The following NRCAM variants were observed in gnomAD, a reference collection of about 807,000 sequenced individuals.
NRCAM encodes NgCAM-related cell adhesion molecule.
NRCAM carries 83 observed loss-of-function variants against 156.5 expected under a neutral mutation model. The ratio of observed to expected loss-of-function variants is 0.53; its 90% CI spans 0.44 to 0.64. The LOEUF is 0.64. NRCAM is among the 30% of genes least tolerant of loss of function. The pLI is 0.00. For synonymous variants in NRCAM, 538 were observed against 563.9 expected (o/e 0.95, Z 0.65); for missense variants, 1,417 against 1,597.3 (o/e 0.89, Z 1.92).
At chr7:108,422,075 T>G (rs1810726250) in intron 1 of NRCAM, among the ~76,000 whole-genome samples, 1 of 152,178 alleles carries the variant, frequency 6.6e-6, no homozygotes, top group African/African-American at 2.4e-5. Flanking sequence ...ATTTCATTGA[T>G]AACACCTCCT....
chr7:108,164,452 G>C (rs1329917261), intron 30 of NRCAM, among the ~76,000 whole-genome samples: 2 of 151,970 alleles, frequency 1.3e-5, no homozygotes, highest in Admixed American at 6.6e-5. Flanking sequence ...GCAGAAATCA[G>C]AGAAAGAGAG....
chr7:108,415,568 A>C (rs1000144435), intron 1 of NRCAM, among the ~76,000 whole-genome samples: 1 of 152,332 alleles, frequency 6.6e-6, no homozygotes, highest in South Asian at 2.1e-4. Context: ...GTTGGCCTAC[A>C]TCCTAATTTC....
chr7:108,311,836 A>G (rs2098808023), intron 3 of NRCAM, among the ~76,000 whole-genome samples: 1 of 152,204 alleles, frequency 6.6e-6, no homozygotes, highest in Non-Finnish European at 1.5e-5. Context: ...CTTGTATACA[A>G]TCTTCTTTCC....
intron 11 of NRCAM, among the ~76,000 whole-genome samples, chr7:108,219,222 T>C (rs1315391651): frequency 6.6e-6 from 1 of 150,622 alleles, no homozygotes; most frequent in Non-Finnish European, 1.5e-5. Flanking sequence ...AATTAAAAAA[T>C]TACCAAAAAA....
At chr7:108,325,702 T>C (rs2099061140) in intron 2 of NRCAM, among the ~76,000 whole-genome samples, 3 of 152,102 alleles carry the variant, frequency 2.0e-5, no homozygotes, top group African/African-American at 7.2e-5. Flanking sequence ...TGCCAGAATG[T>C]AGGATTTATG....
intron 4 of NRCAM, among the ~76,000 whole-genome samples, chr7:108,238,693 G>A (rs916579666): frequency 6.6e-6 from 1 of 152,094 alleles, no homozygotes; most frequent in Non-Finnish European, 1.5e-5. Context: ...TCCCTCCTGT[G>A]TATCTGTCAG....
In NRCAM at chr7:108,189,666, C is replaced by A. The variant is rs776066834; in HGVS notation, c.2014G>T (p.Asp672Tyr). The change falls in exon 20 of 33, where the codon GAC becomes TAC. Residue 672 changes from aspartate to tyrosine, a missense_variant. Asp to Tyr is a radical substitution (Grantham distance 160, BLOSUM62 -3). Around this residue, in one of 2 missense-constraint regions of NRCAM, gnomAD observed 1,238 missense variants for 1,336.4 expected, o/e 0.93. Coordinates refer to ENST00000379028, the MANE Select transcript of NRCAM (RefSeq NM_001037132.4). ...ATACTTGTAATGGGGCTATTGTTGT[C>A]ATCGCCTGGGGTCCATGACAGCTGA... is the stretch of plus-strand genomic sequence containing the variant. ...SVQLSWTPGD[D>Y]NNSPITKFII... 2 of 1,464,160 alleles carry A rather than the reference C, an allele frequency of 1.4e-6. No individual in the cohort carries two copies. Among genetic ancestry groups the A allele is most frequent in the South Asian group, 2.3e-5 (2 of 86,758 alleles). The allele number at this position is 1,464,160 out of a possible 1,614,324, so 90.7% of individuals were successfully genotyped here. A position where few individuals can be genotyped will look rare whatever the true frequency, so the allele number is the denominator to read the frequency against.
intron 3 of NRCAM, among the ~76,000 whole-genome samples, chr7:108,247,562 A>G (rs958495169): frequency 3.1e-5 from 4 of 130,550 alleles, no homozygotes; most frequent in African/African-American, 9.8e-5. Context: ...TTATTTTAGC[A>G]TAAATTTGTT....
intron 13 of NRCAM, chr7:108,207,266 T>C: frequency 3.4e-6 from 1 of 294,372 alleles, no homozygotes; most frequent in Non-Finnish European, 6.3e-6. Flanking sequence ...CCTGTCATTC[T>C]TCCCATTATC....
intron 3 of NRCAM, among the ~76,000 whole-genome samples, chr7:108,290,600 C>A (rs1302756323): frequency 6.6e-6 from 1 of 152,198 alleles, no homozygotes; most frequent in Non-Finnish European, 1.5e-5. Context: ...ACTATCTAAA[C>A]ATTTCCGACA....
At chr7:108,154,392 G>A (rs769614386) in intron 32 of NRCAM, among the ~76,000 whole-genome samples, 3 of 151,932 alleles carry the variant, frequency 2.0e-5, no homozygotes, top group Non-Finnish European at 4.4e-5. Context: ...ATTTTGTGTC[G>A]AGCAACATTA....
chr7:108,235,359 G>C (rs2094836998), intron 5 of NRCAM, among the ~76,000 whole-genome samples: 1 of 152,168 alleles, frequency 6.6e-6, no homozygotes, highest in South Asian at 2.1e-4. Flanking sequence ...TGGGGAAACT[G>C]TTCTGACCCA....
chr7:108,416,040 T>C (rs977523486), intron 1 of NRCAM, among the ~76,000 whole-genome samples: 10 of 152,220 alleles, frequency 6.6e-5, no homozygotes, highest in African/African-American at 2.2e-4. Context: ...CTCTGAGAGA[T>C]GCTGCAAACA....
intron 2 of NRCAM, among the ~76,000 whole-genome samples, chr7:108,342,384 C>T (rs1399334648): frequency 6.6e-6 from 1 of 152,196 alleles, no homozygotes; most frequent in African/African-American, 2.4e-5. Flanking sequence ...ATCCTCATCC[C>T]AAAACCCTAA....
At chr7:108,255,258 A>G (rs2096577517) in intron 3 of NRCAM, among the ~76,000 whole-genome samples, 1 of 149,196 alleles carries the variant, frequency 6.7e-6, no homozygotes, top group African/African-American at 2.5e-5. Context: ...GCTCACTGCA[A>G]ACTCCCTGCC....
chr7:108,206,804 C>A (rs148257293), intron 13 of NRCAM, among the ~76,000 whole-genome samples: 2 of 152,136 alleles, frequency 1.3e-5, no homozygotes, highest in Non-Finnish European at 2.9e-5. Flanking sequence ...TGAAGCCACA[C>A]GCTGGGAAGC....
intron 2 of NRCAM, among the ~76,000 whole-genome samples, chr7:108,368,231 C>CTA (rs1554569373): frequency 9.4e-6 from 1 of 106,222 alleles, no homozygotes; most frequent in Non-Finnish European, 1.9e-5. Context: ...CATACCCCCC[C>CTA]CCACCCCCCC....
At chr7:108,285,845 T>A (rs2154104659) in intron 3 of NRCAM, among the ~76,000 whole-genome samples, 1 of 152,346 alleles carries the variant, frequency 6.6e-6, no homozygotes, top group East Asian at 1.9e-4. Flanking sequence ...ATAGTTACCT[T>A]AGGAAGCTCA....
At chr7:108,456,600 G>C (rs569841078), upstream of NRCAM, 5 of 152,328 alleles carry the variant, frequency 3.3e-5, no homozygotes, top group East Asian at 5.8e-4. Context: ...ACCCCCTCTT[G>C]CCCTGCTGCT....
Sources: allele counts gnomAD v4.1 joint callset (sites outside exome capture counted in the v4.1 genomes callset), GRCh38; gene constraint gnomAD v4.1.1; regional missense constraint gnomAD v4.1.1; transcripts MANE v1.5; gene names NCBI Gene and HGNC (gene_info 2026-07-23, HGNC 2026-07-21).